VEGFC: variants seen among roughly 807,000 people sequenced by gnomAD.
VEGFC encodes the protein vascular endothelial growth factor C.
Under a neutral mutation model 46.1 loss-of-function variants are expected in VEGFC, and 12 were observed. The observed-to-expected ratio is 0.26, with a 90% CI of 0.17 to 0.42. The LOEUF (loss-of-function observed/expected upper bound fraction) is 0.42, where lower values mean the gene tolerates loss of function less well. VEGFC is among the 10% of genes least tolerant of loss of function. VEGFC has a pLI of 1.00. For missense variants in VEGFC, 488 were observed against 529.4 expected, an observed-to-expected ratio of 0.92 and a Z score of 0.77; for synonymous variants, 232 against 195.5, an observed-to-expected ratio of 1.19 and a Z score of -1.56.
chr4:176,771,446 G>T (rs554144129), intron 1 of VEGFC, among the ~76,000 whole-genome samples: 1 of 152,254 alleles, frequency 6.6e-6, no homozygotes, highest in East Asian at 1.9e-4. Flanking sequence ...ATATGATTAT[G>T]AATTTGAATA....
At chr4:176,767,665 A>G (rs1462793437) in intron 1 of VEGFC, among the ~76,000 whole-genome samples, 1 of 152,222 alleles carries the variant, frequency 6.6e-6, no homozygotes, top group Non-Finnish European at 1.5e-5. Flanking sequence ...CTTTTAATTG[A>G]AACACTGCCA....
intron 4 of VEGFC, among the ~76,000 whole-genome samples, chr4:176,695,422 A>G (rs1734292068): frequency 6.6e-6 from 1 of 151,836 alleles, no homozygotes; most frequent in African/African-American, 2.4e-5. Flanking sequence ...TCCCAAGACT[A>G]AACCAGGAAG....
At chr4:176,777,812 G>A (rs963360762) in intron 1 of VEGFC, among the ~76,000 whole-genome samples, 4 of 149,854 alleles carry the variant, frequency 2.7e-5, no homozygotes, top group Admixed American at 1.3e-4. Context: ...CCTGCTACTC[G>A]GGAGGCTGGG....
At chr4:176,727,168 C>A (rs1734885347) in intron 3 of VEGFC, among the ~76,000 whole-genome samples, 1 of 152,176 alleles carries the variant, frequency 6.6e-6, no homozygotes, top group South Asian at 2.1e-4. Context: ...AATCCCTGAT[C>A]CAAAGCCAAC....
intron 4 of VEGFC, among the ~76,000 whole-genome samples, chr4:176,702,309 C>T (rs906052943): frequency 3.6e-5 from 5 of 139,990 alleles, no homozygotes; most frequent in African/African-American, 1.3e-4. Context: ...GCAAATTAGC[C>T]TTCAGGCTAG....
chr4:176,684,748 CAG>C (rs569481314), intron 6 of VEGFC, among the ~76,000 whole-genome samples: 1 of 152,300 alleles, frequency 6.6e-6, no homozygotes, highest in Middle Eastern at 3.4e-3. Context: ...TTTTTTGAGA[CAG>C]AGTCTTGTTC....
intron 3 of VEGFC, 115 bp from the exon 4 acceptor site, chr4:176,711,765 G>A (rs1579100333): frequency 1.0e-6 from 1 of 971,400 alleles, no homozygotes; most frequent in East Asian, 2.5e-5. Context: ...TAGCTGCCTA[G>A]TGTACGCAGG....
At chr4:176,701,869 T>C (rs1734440157) in intron 4 of VEGFC, among the ~76,000 whole-genome samples, 1 of 152,194 alleles carries the variant, frequency 6.6e-6, no homozygotes, top group South Asian at 2.1e-4. Context: ...TGTGGTCCAA[T>C]TAACTGGAAG....
intron 1 of VEGFC, among the ~76,000 whole-genome samples, chr4:176,740,287 T>C (rs1735143795): frequency 1.7e-5 from 2 of 118,724 alleles, no homozygotes; most frequent in South Asian, 2.4e-4. Context: ...CTATATAGAG[T>C]ATATATCTAT....
chr4:176,721,573 G>C (rs1186303806), intron 3 of VEGFC, among the ~76,000 whole-genome samples: 1 of 152,188 alleles, frequency 6.6e-6, no homozygotes. Flanking sequence ...TAGCAGCGTG[G>C]AGACACTGGA....
chr4:176,774,343 TGTTA>T (rs1266613891), intron 1 of VEGFC, among the ~76,000 whole-genome samples: 7 of 151,588 alleles, frequency 4.6e-5, no homozygotes, highest in African/African-American at 1.7e-4. Flanking sequence ...ACTTTATGAG[TGTTA>T]GTTTTTAAAT....
At chr4:176,740,242 A>AAT (rs1326477604) in intron 1 of VEGFC, among the ~76,000 whole-genome samples, 35 of 117,386 alleles carry the variant, frequency 3.0e-4, no homozygotes, top group South Asian at 2.1e-3. Flanking sequence ...CTATATATAG[A>AAT]ATATATATAT....
chr4:176,685,045 T>TA (rs1036006258), intron 6 of VEGFC, among the ~76,000 whole-genome samples: 6 of 152,168 alleles, frequency 3.9e-5, no homozygotes, highest in Admixed American at 2.6e-4. Context: ...AGCTATCTTT[T>TA]AAAAACATTT....
intron 4 of VEGFC, among the ~76,000 whole-genome samples, chr4:176,705,128 T>C (rs1229852901): frequency 6.6e-6 from 1 of 152,184 alleles, no homozygotes; most frequent in Non-Finnish European, 1.5e-5. Context: ...ATTATATTAT[T>C]CATTTAAAAA....
intron 3 of VEGFC, among the ~76,000 whole-genome samples, chr4:176,721,570 G>A (rs1051634941): frequency 3.3e-5 from 5 of 152,178 alleles, no homozygotes; most frequent in African/African-American, 9.7e-5. Flanking sequence ...GATTAGCAGC[G>A]TGGAGACACT....
intron 3 of VEGFC, among the ~76,000 whole-genome samples, chr4:176,726,136 C>T (rs974343432): frequency 2.6e-5 from 4 of 152,022 alleles, no homozygotes; most frequent in African/African-American, 9.7e-5. Context: ...TTTGCTATGT[C>T]CAATAGTATA....
chr4:176,770,922 T>A (rs1253038384), intron 1 of VEGFC, among the ~76,000 whole-genome samples: 5 of 151,590 alleles, frequency 3.3e-5, no homozygotes, highest in Non-Finnish European at 7.4e-5. Context: ...CTTCTACCCC[T>A]CTGCCATAAT....
intron 4 of VEGFC, among the ~76,000 whole-genome samples, chr4:176,691,958 G>A (rs113181938): frequency 6.6e-6 from 1 of 152,172 alleles, no homozygotes; most frequent in African/African-American, 2.4e-5. Context: ...TGCGCGAGCC[G>A]AAGCAGGGCG....
chr4:176,711,929 C>T lies in VEGFC; in HGVS notation c.553-279G>A, dbSNP rs376625224. Among the ~76,000 whole-genome samples, 11 of 151,988 alleles carry T rather than the reference C, an allele frequency of 7.2e-5. No individual in the cohort carries two copies. The South Asian group carries it at 1.9e-3, about 26-fold the overall frequency. On this transcript the variant is annotated intron_variant, in intron 3 of 6. Coordinates refer to ENST00000618562, the MANE Select transcript of VEGFC (RefSeq NM_005429.5). ...CCAACTAATTGGTTATCCTATTAGA[C>T]GTGACAGAACAATGTGTTCAAGAAA...
Sources: gnomAD v4.1 joint callset for allele counts (sites outside exome capture counted in the v4.1 genomes callset) on GRCh38, gnomAD v4.1.1 for gene constraint, MANE v1.5 for transcripts, NCBI Gene and HGNC (gene_info 2026-07-23, HGNC 2026-07-21) for gene names.